The following ALK variants were observed in gnomAD, a reference collection of about 807,000 sequenced individuals.
ALK encodes the protein ALK tyrosine kinase receptor.
In ALK, 74 loss-of-function variants were observed where a neutral mutation model predicts 163.1. The ratio of observed to expected loss-of-function variants is 0.45; its 90% CI spans 0.38 to 0.55. The LOEUF (loss-of-function observed/expected upper bound fraction) is 0.55, where lower values mean the gene tolerates loss of function less well. ALK is among the 20% of genes least tolerant of loss of function. The pLI is 0.00. For missense variants in ALK, 2,063 were observed against 2,105.3 expected (o/e 0.98, Z 0.39); for synonymous variants, 960 against 843.2 (o/e 1.14, Z -2.40).
chr2:29,549,137 T>TACACACACAC (rs58557380), intron 3 of ALK, among the ~76,000 whole-genome samples: 128 of 149,780 alleles, frequency 8.5e-4, no homozygotes, highest in Middle Eastern at 3.4e-3. Context: ...GATCTACAGG[T>TACACACACAC]ACACACACAC....
intron 5 of ALK, among the ~76,000 whole-genome samples, chr2:29,373,029 G>A (rs545949854): frequency 3.3e-5 from 5 of 152,132 alleles, no homozygotes; most frequent in African/African-American, 1.2e-4. Context: ...AGCTCTTAGC[G>A]ACCTAAAGAG....
chr2:29,428,247 G>T (rs966996326), intron 4 of ALK, among the ~76,000 whole-genome samples: 1 of 151,870 alleles, frequency 6.6e-6, no homozygotes, highest in Non-Finnish European at 1.5e-5. Flanking sequence ...ACTAAAACAT[G>T]CAGAGACTGT....
At chr2:29,768,964 G>T (rs1002869501) in intron 1 of ALK, among the ~76,000 whole-genome samples, 2 of 151,934 alleles carry the variant, frequency 1.3e-5, no homozygotes, top group African/African-American at 4.8e-5. Flanking sequence ...TTCCCAAGTA[G>T]CTGTGACTAC....
At chr2:29,835,595 A>G (rs1453265510) in intron 1 of ALK, among the ~76,000 whole-genome samples, 2 of 152,176 alleles carry the variant, frequency 1.3e-5, no homozygotes, top group African/African-American at 4.8e-5. Context: ...GGATATAAGA[A>G]AGTCCATGAT....
At chr2:29,667,107 T>C (rs1677536933) in intron 3 of ALK, among the ~76,000 whole-genome samples, 1 of 152,174 alleles carries the variant, frequency 6.6e-6, no homozygotes, top group Non-Finnish European at 1.5e-5. Context: ...GTTGAGTCCA[T>C]ATTTTGACTA....
intron 1 of ALK, among the ~76,000 whole-genome samples, chr2:29,773,338 G>C (rs1681079864): frequency 6.6e-6 from 1 of 152,274 alleles, no homozygotes; most frequent in African/African-American, 2.4e-5. Context: ...AATGAGGAAT[G>C]AGAAATCCTA....
rs151257994 is a variant in ALK, at chr2:29,873,771, GA to G, written c.667+46221del. The stretch of plus-strand genomic sequence containing the variant: ...CACCCTTCCTGAGTTCCTCTGATAT[GA>G]AAATGCCACCAAGACAAGCAGAACA... On this transcript the variant is annotated intron_variant, in intron 1 of 28. Transcript: ENST00000389048. 1.1e-4 allele frequency among the ~76,000 whole-genome samples: 17 copies of G among 152,072 alleles called. No individual in the cohort carries two copies. The East Asian group carries it at 3.3e-3, about 30-fold the overall frequency.
Position 29,508,733 on chromosome 2 carries a change from C to CAAAAAAAAA in ALK, c.1154+23173_1154+23181dup, listed in dbSNP as rs60719550. On this transcript the variant is annotated intron_variant, in intron 4 of 28. Transcript: ENST00000389048. The stretch of plus-strand genomic sequence containing the variant: ...CCAAAAAAATCCCATATCTGCAACT[C>CAAAAAAAAA]AAAAAAAAAAAAAAAAAAAAAAAAA... 3.8e-4 allele frequency among the ~76,000 whole-genome samples: 25 copies of CAAAAAAAAA among 65,502 alleles called. 1 individual carries two copies. Among genetic ancestry groups the CAAAAAAAAA allele is most frequent in the African/African-American group, 1.0e-3 (15 of 14,808 alleles). The allele number at this position is 65,502 out of a possible 152,430, so 43.0% of individuals were successfully genotyped here.
chr2:29,440,060 C>T (rs1014656820), intron 4 of ALK, among the ~76,000 whole-genome samples: 6 of 151,722 alleles, frequency 4.0e-5, no homozygotes, highest in African/African-American at 7.3e-5. Context: ...GGTGAAACCC[C>T]GTCTCTACTA....
At chr2:29,315,223 C>G (rs1322615826) in intron 8 of ALK, among the ~76,000 whole-genome samples, 2 of 151,938 alleles carry the variant, frequency 1.3e-5, no homozygotes, top group Admixed American at 1.3e-4. Context: ...AGATAGGAGG[C>G]AGCCGTGGTA....
chr2:29,276,501 C>T lies in ALK; in HGVS notation c.1818-1005G>A, dbSNP rs116454274. Among the ~76,000 whole-genome samples the T allele has an allele frequency of 5.2e-3, 787 of 152,272 alleles. 7 individuals are homozygous for T. The highest frequency in any genetic ancestry group is 0.018 in the African/African-American group (742 of 41,528). ...GAGAACCTTAAAATCCTTTCCTACC[C>T]TCCAGAACGTCAATCCAGAATGACA... On this transcript the variant is annotated intron_variant, in intron 9 of 28. Transcript: ENST00000389048.
rs373192017 is a variant in ALK, at chr2:29,748,598, G to A, written c.668-30901C>T. Among the ~76,000 whole-genome samples, 74 of 152,308 alleles carry A rather than the reference G, an allele frequency of 4.9e-4. No homozygotes were observed. In the East Asian group the frequency reaches 8.5e-3, roughly 17 times the overall value. ...GGTGAAAGAAGCCCGTGGGAAGCAT[G>A]TTGAACAGACACAATCCCAGGTCAC... On this transcript the variant is annotated intron_variant, in intron 1 of 28. Transcript: ENST00000389048.
intron 4 of ALK, among the ~76,000 whole-genome samples, chr2:29,456,657 G>A (rs1049011281): frequency 2.0e-5 from 3 of 152,078 alleles, no homozygotes; most frequent in South Asian, 4.1e-4. Flanking sequence ...ACAATAATAT[G>A]AATATACTTA....
chr2:29,780,533 A>G (rs1169161803), intron 1 of ALK, among the ~76,000 whole-genome samples: 1 of 152,224 alleles, frequency 6.6e-6, no homozygotes, highest in East Asian at 1.9e-4. Flanking sequence ...GGCAAAGCTT[A>G]TTTTAAAAGA....
chr2:29,742,441 G>T (rs774921344), intron 1 of ALK, among the ~76,000 whole-genome samples: 4 of 152,184 alleles, frequency 2.6e-5, no homozygotes, highest in African/African-American at 7.2e-5. Flanking sequence ...CAGGCTGTGG[G>T]GAAAGAATTC....
At chr2:29,868,172 A>G (rs1666488685) in intron 1 of ALK, among the ~76,000 whole-genome samples, 2 of 152,152 alleles carry the variant, frequency 1.3e-5, no homozygotes, top group African/African-American at 4.8e-5. Flanking sequence ...AAGGAAGGAG[A>G]GAAGATGGTC....
At chr2:29,516,766 G>T (rs1263897246) in intron 4 of ALK, among the ~76,000 whole-genome samples, 3 of 152,218 alleles carry the variant, frequency 2.0e-5, no homozygotes, top group Admixed American at 1.3e-4. Context: ...GTAAAGATAG[G>T]TAAAGGCATT....
chr2:29,775,068 A>G (rs1681133908), intron 1 of ALK, among the ~76,000 whole-genome samples: 1 of 152,236 alleles, frequency 6.6e-6, no homozygotes, highest in African/African-American at 2.4e-5. Flanking sequence ...ATCCAGGTTA[A>G]AGATTCAGAA....
intron 3 of ALK, among the ~76,000 whole-genome samples, chr2:29,683,746 C>T (rs1313685746): frequency 6.6e-6 from 1 of 152,152 alleles, no homozygotes; most frequent in Non-Finnish European, 1.5e-5. Context: ...AATGCCTGGG[C>T]CCAGTAAGCC....
Sources: gnomAD v4.1 joint callset for allele counts (sites outside exome capture counted in the v4.1 genomes callset) on GRCh38, gnomAD v4.1.1 for gene constraint, MANE v1.5 for transcripts, NCBI Gene and HGNC (gene_info 2026-07-23, HGNC 2026-07-21) for gene names.